The following CYFIP1 variants were observed in gnomAD, a reference collection of about 807,000 sequenced individuals.
The protein encoded by CYFIP1 is cytoplasmic FMR1-interacting protein 1.
A neutral mutation model predicts 163.5 loss-of-function variants in CYFIP1; 58 were observed. That is an observed-to-expected ratio of 0.35 (90% CI 0.29 to 0.44). CYFIP1 has a LOEUF of 0.44. CYFIP1 is among the 20% of genes least tolerant of loss of function. The pLI, the probability that CYFIP1 is intolerant of heterozygous loss-of-function variation, is 1.00. For missense variants in CYFIP1, 1,338 were observed against 1,653.8 expected (o/e 0.81, Z 3.31); for synonymous variants, 663 against 660.7 (o/e 1.00, Z -0.05).
intron 13 of CYFIP1, 21 bp downstream of exon 13, chr15:22,925,961 C>T (rs761176164): frequency 1.2e-5 from 20 of 1,609,654 alleles, no homozygotes; most frequent in East Asian, 2.2e-5. Flanking sequence ...TGAGGAAGAG[C>T]GAGCGGCCGA....
At chr15:22,975,441 C>CAAAAA (rs35556120) in intron 1 of CYFIP1, among the ~76,000 whole-genome samples, 9 of 71,332 alleles carry the variant, frequency 1.3e-4, no homozygotes, top group East Asian at 4.7e-4. Flanking sequence ...GACTCCGTCT[C>CAAAAA]AAAAAAAAAA....
intron 21 of CYFIP1, among the ~76,000 whole-genome samples, chr15:22,907,781 C>T (rs191041441): frequency 1.4e-4 from 22 of 152,294 alleles, no homozygotes; most frequent in East Asian, 3.9e-4. Context: ...AGCTGTGGTT[C>T]GGGGGCCCGC....
chr15:22,886,053 T>C (rs1595516767), intron 23 of CYFIP1, among the ~76,000 whole-genome samples: 2 of 151,906 alleles, frequency 1.3e-5, no homozygotes, highest in Admixed American at 6.5e-5. Context: ...TGGCGGAAGG[T>C]GAAGGGGGAG....
At chr15:22,939,602 C>T (rs532062659) in intron 6 of CYFIP1, 95 bp from the exon 7 acceptor site, 1 of 947,356 alleles carries the variant, frequency 1.1e-6, no homozygotes, top group South Asian at 1.7e-5. Flanking sequence ...AGTGGGATCC[C>T]TTTCCCCTAC....
intron 10 of CYFIP1, 27 bp downstream of exon 10, chr15:22,933,775 A>G: frequency 6.4e-7 from 1 of 1,569,808 alleles, no homozygotes; most frequent in Non-Finnish European, 8.7e-7. Flanking sequence ...CGAAAGCTCA[A>G]ACCAGGCAGC....
chr15:22,955,428 T>G (rs2062412100), intron 1 of CYFIP1, among the ~76,000 whole-genome samples: 1 of 152,054 alleles, frequency 6.6e-6, no homozygotes, highest in African/African-American at 2.4e-5. Flanking sequence ...GCGAGTGAGG[T>G]GCTGGAGACC....
At chr15:22,904,406 C>G (rs1363609360) in intron 21 of CYFIP1, 1 of 191,952 alleles carries the variant, frequency 5.2e-6, no homozygotes, top group Non-Finnish European at 1.1e-5. Context: ...CCAGGCTGCA[C>G]TGTCCGATGT....
chr15:22,917,895 T>C lies in CYFIP1; in HGVS notation c.1567A>G (p.Thr523Ala), dbSNP rs1249605967. 6.2e-7 allele frequency: 1 copy of C among 1,613,780 alleles called. No homozygotes were observed. The highest frequency in any genetic ancestry group is 1.7e-5 in the Admixed American group (1 of 59,968). The change falls in exon 15 of 31, where the codon ACG becomes GCG. Residue 523 changes from threonine (T) to alanine (A), a missense_variant. Thr to Ala is a moderately conservative substitution (Grantham distance 58). Coordinates refer to ENST00000617928, the MANE Select transcript of CYFIP1 (RefSeq NM_014608.6). This position sits in a 1 kb window ranked among gnomAD's most constrained non-coding sequence, Gnocchi z 4.2. The part of the protein sequence containing the change: ...AIRKTVCDWE[T>A]GHEPFNDPAL... ...GGGTCATTGAAGGGCTCATGCCCCG[T>C]CTCCCAGTCACACACGGTCTTCCTG...
intron 1 of CYFIP1, among the ~76,000 whole-genome samples, chr15:22,947,630 G>A (rs997734375): frequency 2.6e-5 from 4 of 152,084 alleles, no homozygotes; most frequent in Non-Finnish European, 4.4e-5. Flanking sequence ...CTCTCTCGAG[G>A]GTCTGACGAC....
In CYFIP1 at chr15:22,957,300, A is replaced by G. The variant is rs557763801; in HGVS notation, c.-6-10009T>C. On this transcript the variant is annotated intron_variant, in intron 1 of 30. Coordinates refer to ENST00000617928, the MANE Select transcript of CYFIP1 (RefSeq NM_014608.6). ...GGCGGATCACGAGGTCAGGAGATCT[A>G]GACAATCCTGGCTAACACGGTGAAA... Among the ~76,000 whole-genome samples the G allele has an allele frequency of 2.6e-5, 4 of 152,334 alleles. No individual in the cohort carries two copies. In the South Asian group the frequency reaches 8.3e-4, roughly 32 times the overall value.
intron 22 of CYFIP1, among the ~76,000 whole-genome samples, chr15:22,902,905 C>G (rs2060443636): frequency 1.3e-5 from 2 of 152,148 alleles, no homozygotes; most frequent in Admixed American, 1.3e-4. Flanking sequence ...GAGCTCTCAT[C>G]AGAGCTCGGC....
At chr15:22,979,631 C>G (rs938607290) in intron 1 of CYFIP1, among the ~76,000 whole-genome samples, 2 of 152,188 alleles carry the variant, frequency 1.3e-5, no homozygotes, top group Non-Finnish European at 2.9e-5. Context: ...TCTTGTCACA[C>G]CCACAATGTG....
At chr15:22,953,827 G>A (rs189103422) in intron 1 of CYFIP1, among the ~76,000 whole-genome samples, 29 of 152,274 alleles carry the variant, frequency 1.9e-4, no homozygotes, top group Non-Finnish European at 3.1e-4. Context: ...AGGCCGAGGC[G>A]GGTGGATCAC....
At chr15:22,922,151 A>G (rs1329358463) in intron 13 of CYFIP1, among the ~76,000 whole-genome samples, 2 of 152,052 alleles carry the variant, frequency 1.3e-5, no homozygotes, top group Admixed American at 1.3e-4. Flanking sequence ...GAACCTTGGG[A>G]GTGTCCTGCC....
At chr15:22,930,763 C>T (rs1400113029) in intron 11 of CYFIP1, among the ~76,000 whole-genome samples, 1 of 152,128 alleles carries the variant, frequency 6.6e-6, no homozygotes, top group African/African-American at 2.4e-5. Context: ...AGTGTTGTTA[C>T]AAAAGCCAAA....
intron 6 of CYFIP1, 50 bp from the exon 7 acceptor site, chr15:22,939,557 TAAAAAA>T: frequency 6.3e-5 from 18 of 285,684 alleles, no homozygotes; most frequent in African/African-American, 9.9e-5. Flanking sequence ...GTGCCACATT[TAAAAAA>T]AAAAAAAAAA....
chr15:22,975,817 C>T (rs980770916), intron 1 of CYFIP1, among the ~76,000 whole-genome samples: 2 of 152,122 alleles, frequency 1.3e-5, no homozygotes, highest in Non-Finnish European at 1.5e-5. Context: ...CTAACCCCCT[C>T]GTTCACAGGC....
intron 6 of CYFIP1, 62 bp from the exon 7 acceptor site, chr15:22,939,569 A>AAAC: frequency 9.3e-7 from 1 of 1,074,296 alleles, no homozygotes; most frequent in Non-Finnish European, 1.3e-6. Flanking sequence ...AAAAAAAAAA[A>AAAC]AAAAAAAAAA....
At chr15:22,929,985 A>G (rs1165053610) in intron 11 of CYFIP1, among the ~76,000 whole-genome samples, 1 of 151,910 alleles carries the variant, frequency 6.6e-6, no homozygotes, top group East Asian at 1.9e-4. Context: ...CATAAATCAA[A>G]TTATGCTGGC....
Sources: gnomAD v4.1 joint callset for allele counts (sites outside exome capture counted in the v4.1 genomes callset) on GRCh38, gnomAD v4.1.1 for gene constraint, Gnocchi (gnomAD v3.1) non-coding constraint, MANE v1.5 for transcripts, NCBI Gene and HGNC (gene_info 2026-07-23, HGNC 2026-07-21) for gene names.